The following GABRB3 variants were observed in gnomAD, a reference collection of about 807,000 sequenced individuals.
GABRB3 encodes the protein gamma-aminobutyric acid type A receptor subunit beta3.
In GABRB3, 14 loss-of-function variants were observed where a neutral mutation model predicts 52.1. That is an observed-to-expected ratio of 0.27 (90% CI 0.18 to 0.42). GABRB3 has a LOEUF of 0.42. GABRB3 is among the 10% of genes least tolerant of loss of function. The pLI, the probability that GABRB3 is intolerant of heterozygous loss-of-function variation, is 1.00. For missense variants in GABRB3, 307 were observed against 609.1 expected (o/e 0.50, Z 5.22); for synonymous variants, 260 against 232.3 (o/e 1.12, Z -1.08).
chr15:26,598,583 C>T (rs1891478360), intron 4 of GABRB3, among the ~76,000 whole-genome samples: 1 of 152,194 alleles, frequency 6.6e-6, no homozygotes, highest in South Asian at 2.1e-4. Context: ...CTGCACTCCC[C>T]TTCCCCAAGT....
At chr15:26,648,994 G>T (rs1326550635) in intron 3 of GABRB3, among the ~76,000 whole-genome samples, 2 of 152,060 alleles carry the variant, frequency 1.3e-5, no homozygotes, top group East Asian at 3.9e-4. Context: ...TGTGGAAACA[G>T]CAAAGAGCTA....
intron 3 of GABRB3, among the ~76,000 whole-genome samples, chr15:26,630,193 G>A (rs549919046): frequency 7.2e-5 from 11 of 152,162 alleles, no homozygotes; most frequent in Non-Finnish European, 1.6e-4. Flanking sequence ...AGGAGCCCAG[G>A]GCACCTGCAG....
intron 6 of GABRB3, among the ~76,000 whole-genome samples, chr15:26,579,389 G>T (rs1890707973): frequency 6.6e-6 from 1 of 152,174 alleles, no homozygotes; most frequent in East Asian, 1.9e-4. Context: ...GCTTCCCAGA[G>T]GAAGTAGCGC....
intron 3 of GABRB3, among the ~76,000 whole-genome samples, chr15:26,712,586 G>A (rs1889334243): frequency 6.6e-6 from 1 of 152,162 alleles, no homozygotes; most frequent in Admixed American, 6.5e-5. Flanking sequence ...TCCTATTGTG[G>A]ACATTTGATA....
At position 26,590,391 on chromosome 15, in the gene GABRB3, T is replaced by C. The variant is rs528160176; in HGVS notation, c.462-6977A>G. 3.9e-5 allele frequency: 6 copies of C among 152,296 alleles called. No homozygotes were observed. The South Asian group carries it at 6.2e-4, about 16-fold the overall frequency. The allele number at this position is 152,296 out of a possible 1,614,324, so 9.4% of individuals were successfully genotyped here. A position where few individuals can be genotyped will look rare whatever the true frequency, so the allele number is the denominator to read the frequency against. On this transcript the variant is annotated intron_variant, in intron 4 of 8. Coordinates refer to ENST00000311550, the MANE Select transcript of GABRB3 (RefSeq NM_000814.6). ...ACGGGTTAGCACCACAGCCAAGGCA[T>C]TGCTTCACAGGTAACCATTTGGCCC...
intron 3 of GABRB3, among the ~76,000 whole-genome samples, chr15:26,744,520 G>C (rs1443190768): frequency 6.6e-6 from 1 of 152,010 alleles, no homozygotes; most frequent in Non-Finnish European, 1.5e-5. Flanking sequence ...CTGCCTCCTG[G>C]GTTCAAGCAA....
intron 3 of GABRB3, among the ~76,000 whole-genome samples, chr15:26,719,208 T>C (rs1056734830): frequency 2.0e-5 from 3 of 152,262 alleles, no homozygotes; most frequent in Admixed American, 6.5e-5. Flanking sequence ...GCTAGGCACA[T>C]GGCAGGTGCC....
intron 3 of GABRB3, among the ~76,000 whole-genome samples, chr15:26,674,415 A>C: frequency 7.7e-6 from 1 of 129,736 alleles, no homozygotes; most frequent in East Asian, 2.1e-4. Flanking sequence ...AAAAAAAAAA[A>C]AAAAAAGAAA....
At chr15:26,619,970 C>T (rs570384577) in intron 4 of GABRB3, among the ~76,000 whole-genome samples, 167 of 151,998 alleles carry the variant, frequency 1.1e-3, no homozygotes, top group Non-Finnish European at 2.1e-3. Context: ...CACACACCCA[C>T]AGACACAAAC....
intron 3 of GABRB3, chr15:26,629,235 C>G: frequency 7.2e-7 from 1 of 1,393,752 alleles, no homozygotes; most frequent in Non-Finnish European, 9.4e-7. Flanking sequence ...GAAAGGAGGG[C>G]AGCGCGGAAG....
intron 3 of GABRB3, among the ~76,000 whole-genome samples, chr15:26,646,990 C>T (rs1431844604): frequency 6.6e-6 from 1 of 152,118 alleles, no homozygotes; most frequent in East Asian, 1.9e-4. Flanking sequence ...ACTACAGGCA[C>T]CTGCCACCAC....
At chr15:26,614,076 G>A (rs1469522338) in intron 4 of GABRB3, 2 of 152,250 alleles carry the variant, frequency 1.3e-5, no homozygotes, top group Non-Finnish European at 2.9e-5. Context: ...GACTGCAGGA[G>A]CCAAGTCCTC....
At chr15:26,717,340 C>T (rs956821933) in intron 3 of GABRB3, among the ~76,000 whole-genome samples, 1 of 152,052 alleles carries the variant, frequency 6.6e-6, no homozygotes, top group African/African-American at 2.4e-5. Context: ...GGACCTCCAC[C>T]CAATGACAGC....
At chr15:26,746,770 G>A (rs1055613926) in intron 3 of GABRB3, among the ~76,000 whole-genome samples, 3 of 151,982 alleles carry the variant, frequency 2.0e-5, no homozygotes, top group African/African-American at 7.3e-5. Context: ...GGCAGATCAC[G>A]AGGTCAGGAG....
At chr15:26,650,238 G>A (rs1887153955) in intron 3 of GABRB3, among the ~76,000 whole-genome samples, 1 of 152,176 alleles carries the variant, frequency 6.6e-6, no homozygotes, top group East Asian at 1.9e-4. Context: ...AGAAAGATGA[G>A]TATTGGGTTA....
intron 4 of GABRB3, among the ~76,000 whole-genome samples, chr15:26,609,947 G>A (rs957029968): frequency 3.9e-5 from 6 of 152,016 alleles, no homozygotes; most frequent in African/African-American, 9.7e-5. Flanking sequence ...CTTCAAACTC[G>A]AAAAACTTAC....
At chr15:26,656,790 C>A (rs1383612134) in intron 3 of GABRB3, among the ~76,000 whole-genome samples, 2 of 152,200 alleles carry the variant, frequency 1.3e-5, no homozygotes, top group African/African-American at 4.8e-5. Context: ...AAAGTGTCTT[C>A]CACGAAACAG....
At chr15:26,711,592 C>T (rs571720037) in intron 3 of GABRB3, among the ~76,000 whole-genome samples, 1 of 152,238 alleles carries the variant, frequency 6.6e-6, no homozygotes, top group South Asian at 2.1e-4. Flanking sequence ...CCCAGGCTCC[C>T]CATCTCCCAT....
chr15:26,697,895 T>C (rs1888794181), intron 3 of GABRB3, among the ~76,000 whole-genome samples: 1 of 152,198 alleles, frequency 6.6e-6, no homozygotes, highest in African/African-American at 2.4e-5. Context: ...CGGGCTCTTA[T>C]CAAAAGAGAT....
Sources: gnomAD v4.1 joint callset for allele counts (sites outside exome capture counted in the v4.1 genomes callset) on GRCh38, gnomAD v4.1.1 for gene constraint, MANE v1.5 for transcripts, NCBI Gene and HGNC (gene_info 2026-07-23, HGNC 2026-07-21) for gene names.